The following STIM2 variants were observed in gnomAD, a reference collection of about 807,000 sequenced individuals.
STIM2 encodes stromal interaction molecule 2.
A neutral mutation model predicts 85.8 loss-of-function variants in STIM2; 31 were observed. That is an observed-to-expected ratio of 0.36 (90% CI 0.27 to 0.49). STIM2 has a LOEUF of 0.49. Among genes scored for constraint, STIM2 ranks in the 20% least tolerant of loss-of-function variants. The pLI is 0.98. For synonymous variants in STIM2, 356 were observed against 331.1 expected, an observed-to-expected ratio of 1.08 and a Z score of -0.82; for missense variants, 841 against 927.6, an observed-to-expected ratio of 0.91 and a Z score of 1.21.
chr4:26,918,363 G>A (rs566035499), intron 1 of STIM2, among the ~76,000 whole-genome samples: 1 of 150,978 alleles, frequency 6.6e-6, no homozygotes, highest in Non-Finnish European at 1.5e-5. Flanking sequence ...ATCTTAGTAA[G>A]TATCTCTACT....
intron 2 of STIM2, among the ~76,000 whole-genome samples, chr4:26,932,546 G>A (rs773688134): frequency 3.9e-5 from 6 of 152,106 alleles, no homozygotes; most frequent in Non-Finnish European, 8.8e-5. Flanking sequence ...TGATGCTTTT[G>A]TTTTGCATTT....
intron 2 of STIM2, among the ~76,000 whole-genome samples, chr4:26,950,385 A>T (rs1300889956): frequency 9.2e-5 from 14 of 152,198 alleles, no homozygotes; most frequent in Admixed American, 8.5e-4. Context: ...TCTCTCTTGA[A>T]CCATAAATTC....
intron 3 of STIM2, among the ~76,000 whole-genome samples, chr4:26,970,693 C>T (rs927943745): frequency 6.6e-6 from 1 of 152,022 alleles, no homozygotes; most frequent in Non-Finnish European, 1.5e-5. Context: ...TGAATAGTGC[C>T]GCAATAAACA....
chr4:26,883,559 G>A (rs1723103829), intron 1 of STIM2, among the ~76,000 whole-genome samples: 1 of 152,092 alleles, frequency 6.6e-6, no homozygotes, highest in Non-Finnish European at 1.5e-5. Flanking sequence ...CTGGGACATT[G>A]CCTGAGGTGC....
At chr4:26,989,077 G>C (rs778262875) in intron 3 of STIM2, among the ~76,000 whole-genome samples, 4 of 152,086 alleles carry the variant, frequency 2.6e-5, no homozygotes, top group Non-Finnish European at 5.9e-5. Flanking sequence ...TGGGATTACA[G>C]GTATTTACCA....
At chr4:26,907,700 CAAACA>C (rs374835569) in intron 1 of STIM2, among the ~76,000 whole-genome samples, 10 of 152,178 alleles carry the variant, frequency 6.6e-5, no homozygotes, top group East Asian at 5.8e-4. Flanking sequence ...TCCTCCTCCC[CAAACA>C]AAACAAAACA....
At chr4:26,873,739 A>G (rs568798699) in intron 1 of STIM2, 5 of 882,392 alleles carry the variant, frequency 5.7e-6, no homozygotes, top group East Asian at 5.4e-5. Flanking sequence ...TTCTGCCTCC[A>G]CAGGCTCTAG....
rs149799002 is a variant in STIM2, at chr4:26,946,000, G to A, written c.283-11612G>A. Among the ~76,000 whole-genome samples the A allele has an allele frequency of 6.6e-4, 100 of 152,198 alleles. No individual in the cohort carries two copies. In the Middle Eastern group the frequency reaches 0.014, roughly 21 times the overall value. ...TAAAATTGTTGCATTTGTATATGATGTCATTAATGTTAGTTGGACATGCAA... is the reference window on the plus strand; with the variant it reads ...TAAAATTGTTGCATTTGTATATGATATCATTAATGTTAGTTGGACATGCAA... On this transcript the variant is annotated intron_variant, in intron 2 of 11. Transcript: ENST00000467087.
At position 27,022,922 on chromosome 4, in the gene STIM2, G is replaced by A; in HGVS notation, c.2167G>A (p.Asp723Asn). The A allele has an allele frequency of 1.2e-6, 2 of 1,614,172 alleles. No individual in the cohort carries two copies. Among genetic ancestry groups the A allele is most frequent in the South Asian group, 2.2e-5 (2 of 91,082 alleles). The change falls in exon 12 of 12, where the codon GAC (aspartate) becomes AAC (asparagine). Residue 723 changes from aspartate to asparagine, a missense_variant. Physicochemically the swap from Asp to Asn is conservative, Grantham distance 23. This residue lies in a region of STIM2 where 293 missense variants were observed against 284.5 expected (regional missense o/e 1.03). Coordinates refer to ENST00000467087, the MANE Select transcript of STIM2 (RefSeq NM_020860.4). ...TGCCAGAATAAGCAGCATCCCACAT[G>A]ACCTTTGTCATAATGGAGAGAAAAG...
At chr4:27,017,626 C>T in intron 10 of STIM2, 85 bp from the exon 11 acceptor site, 1 of 1,501,014 alleles carries the variant, frequency 6.7e-7, no homozygotes, top group Admixed American at 1.8e-5. Context: ...TTAGTGACAT[C>T]AGTTCTCTTG....
chr4:26,943,559 C>A (rs1410274918), intron 2 of STIM2, among the ~76,000 whole-genome samples: 4 of 152,142 alleles, frequency 2.6e-5, no homozygotes, highest in Non-Finnish European at 5.9e-5. Context: ...CCAGCTTGTA[C>A]ATTTCTGGCC....
intron 1 of STIM2, among the ~76,000 whole-genome samples, chr4:26,870,798 G>T (rs866302045): frequency 4.3e-4 from 65 of 152,286 alleles, no homozygotes; most frequent in Middle Eastern, 6.8e-3. Flanking sequence ...TGTGATAAGG[G>T]TAAAAGGGCC....
chr4:26,885,771 A>ATTCAGTG (rs542646650), intron 1 of STIM2, among the ~76,000 whole-genome samples: 173 of 141,674 alleles, frequency 1.2e-3, no homozygotes, highest in Non-Finnish European at 2.4e-3. Context: ...AAAATATAGC[A>ATTCAGTG]TTCAGTGCTA....
intron 3 of STIM2, among the ~76,000 whole-genome samples, chr4:26,965,862 A>G (rs9291487): frequency 0.35 from 52,785 of 151,952 alleles, 9,441 homozygotes; most frequent in East Asian, 0.63. Flanking sequence ...ACCACTACCT[A>G]TTACATCTCT....
intron 1 of STIM2, among the ~76,000 whole-genome samples, chr4:26,865,199 A>G (rs1318282259): frequency 6.6e-6 from 1 of 152,088 alleles, no homozygotes; most frequent in African/African-American, 2.4e-5. Flanking sequence ...CTGTAGTTGT[A>G]TTATTGTTGC....
intron 1 of STIM2, among the ~76,000 whole-genome samples, chr4:26,893,273 C>G (rs554175520): frequency 2.0e-5 from 3 of 152,336 alleles, no homozygotes; most frequent in South Asian, 4.1e-4. Flanking sequence ...AGTCCCTCTT[C>G]TTAATCACAA....
At chr4:26,876,468 ATC>A (rs1722820096) in intron 1 of STIM2, among the ~76,000 whole-genome samples, 1 of 152,196 alleles carries the variant, frequency 6.6e-6, no homozygotes, top group Non-Finnish European at 1.5e-5. Context: ...CTTTACTCTT[ATC>A]AATCTCTAGA....
At chr4:26,885,863 ATATATATATATG>A (rs1381763181) in intron 1 of STIM2, among the ~76,000 whole-genome samples, 13 of 123,312 alleles carry the variant, frequency 1.1e-4, no homozygotes, top group African/African-American at 3.1e-4. Context: ...ATATATATAT[ATATATATATATG>A]TATATGTCTA....
intron 1 of STIM2, among the ~76,000 whole-genome samples, chr4:26,868,340 T>C (rs1320510094): frequency 1.3e-5 from 2 of 152,182 alleles, no homozygotes; most frequent in Admixed American, 1.3e-4. Flanking sequence ...CTGTGTAACT[T>C]TTTTCTCTAG....
Sources: gnomAD v4.1 joint callset for allele counts (sites outside exome capture counted in the v4.1 genomes callset) on GRCh38, gnomAD v4.1.1 for gene constraint, gnomAD v4.1.1 regional missense constraint, MANE v1.5 for transcripts, NCBI Gene and HGNC (gene_info 2026-07-23, HGNC 2026-07-21) for gene names.